Variants in PAFAH1B1 observed in about 807,000 individuals in gnomAD.
PAFAH1B1 encodes platelet activating factor acetylhydrolase 1b regulatory subunit 1, also known as platelet-activating factor acetylhydrolase IB subunit beta.
PAFAH1B1 carries 2 observed loss-of-function variants against 57.5 expected under a neutral mutation model. That is an observed-to-expected ratio of 0.03 (90% CI 0.01 to 0.11). PAFAH1B1 has a LOEUF of 0.11. Among genes scored for constraint, PAFAH1B1 ranks in the 10% least tolerant of loss-of-function variants. The probability of loss-of-function intolerance (pLI) is 1.00; values close to 1 mark genes in which losing one functional copy is unlikely to be tolerated. For synonymous variants in PAFAH1B1, 152 were observed against 169.6 expected, an observed-to-expected ratio of 0.90 and a Z score of 0.81; for missense variants, 257 against 512.0, an observed-to-expected ratio of 0.50 and a Z score of 4.81.
Position 2,657,265 on chromosome 17 carries a change from CAA to C in PAFAH1B1, c.33-8106_33-8105del, listed in dbSNP as rs578021710. On this transcript the variant is annotated intron_variant, in intron 2 of 10. Transcript: ENST00000397195. ...TTGAATTTGTTTCTGTTTTTTGAGA[CAA>C]GAGTCTCACTGTGTCACCCAGGCTG... Among the ~76,000 whole-genome samples the C allele has an allele frequency of 8.5e-5, 13 of 152,184 alleles. No homozygotes were observed. The South Asian group carries it at 2.3e-3, about 27-fold the overall frequency.
chr17:2,665,504 T>C, intron 3 of PAFAH1B1, 48 bp downstream of exon 3: 18 of 1,053,250 alleles, frequency 1.7e-5, no homozygotes, highest in Non-Finnish European at 2.4e-5. Context: ...GAGTGGATTT[T>C]CACTCAAGTA....
chr17:2,605,616 C>T (rs779271929), intron 1 of PAFAH1B1, among the ~76,000 whole-genome samples: 1 of 152,092 alleles, frequency 6.6e-6, no homozygotes, highest in African/African-American at 2.4e-5. Context: ...GACTCCCTGC[C>T]GCGCCCCCCT....
At chr17:2,639,497 T>C (rs2068669076) in intron 2 of PAFAH1B1, 1 of 152,176 alleles carries the variant, frequency 6.6e-6, no homozygotes, top group South Asian at 2.1e-4. Flanking sequence ...TAGCATTCCA[T>C]TTTTATAGGT....
chr17:2,601,328 G>A (rs2068141586), intron 1 of PAFAH1B1, among the ~76,000 whole-genome samples: 1 of 151,102 alleles, frequency 6.6e-6, no homozygotes, highest in Non-Finnish European at 1.5e-5. Flanking sequence ...ATAGAGATGG[G>A]GGGTCTCTGT....
rs541902706 is a variant in PAFAH1B1, at chr17:2,667,610, TCTTAC to T, written c.399+416_399+420del. 517 of 236,610 alleles carry T rather than the reference TCTTAC, an allele frequency of 2.2e-3. 9 individuals are homozygous for T. The highest frequency in any genetic ancestry group is 0.01 in the African/African-American group (456 of 43,460). 14.7% of individuals were successfully genotyped at this position (236,610 alleles called of 1,614,324 possible). A position where few individuals can be genotyped will look rare whatever the true frequency, so the allele number is the denominator to read the frequency against. On this transcript the variant is annotated intron_variant, in intron 5 of 10. Transcript: ENST00000397195. ...GTTCTTGGAGAATGAAAAGTGTGTG[TCTTAC>T]CTTTAAACGGAGGTTATGTGTGAAA... is the stretch of plus-strand genomic sequence containing the variant.
chr17:2,675,894 G>C (rs1409151727), intron 8 of PAFAH1B1, among the ~76,000 whole-genome samples: 1 of 152,088 alleles, frequency 6.6e-6, no homozygotes, highest in African/African-American at 2.4e-5. Flanking sequence ...AGTAAATTTG[G>C]TTTTGGTTGG....
At chr17:2,639,130 C>A (rs760545683) in intron 2 of PAFAH1B1, among the ~76,000 whole-genome samples, 3 of 150,294 alleles carry the variant, frequency 2.0e-5, no homozygotes, top group Non-Finnish European at 3.0e-5. Context: ...AATCTCCTGA[C>A]CTCGTGATCC....
At chr17:2,603,822 C>T (rs974856550) in intron 1 of PAFAH1B1, among the ~76,000 whole-genome samples, 1 of 151,672 alleles carries the variant, frequency 6.6e-6, no homozygotes, top group Admixed American at 6.6e-5. Context: ...CTTACTGCAG[C>T]CTCCACCTCC....
intron 8 of PAFAH1B1, among the ~76,000 whole-genome samples, chr17:2,675,399 C>G (rs993290512): frequency 6.6e-6 from 1 of 152,162 alleles, no homozygotes; most frequent in African/African-American, 2.4e-5. Context: ...ACCCCCATCC[C>G]ACTTATTTTT....
At chr17:2,605,054 G>A (rs1310740844) in intron 1 of PAFAH1B1, among the ~76,000 whole-genome samples, 1 of 152,154 alleles carries the variant, frequency 6.6e-6, no homozygotes, top group Non-Finnish European at 1.5e-5. Context: ...ATTATGAGAT[G>A]ATGTATATTT....
chr17:2,654,818 T>C lies in PAFAH1B1; in HGVS notation c.33-10554T>C, dbSNP rs192598494. 5.4e-3 allele frequency among the ~76,000 whole-genome samples: 825 copies of C among 151,926 alleles called. 6 individuals carry two copies. Among genetic ancestry groups the C allele is most frequent in the South Asian group, 0.016 (79 of 4,792 alleles). On this transcript the variant is annotated intron_variant, in intron 2 of 10. Transcript: ENST00000397195. Reference sequence around the variant, plus strand: ...CACCATGCCTAGCTAATTTTTCTATTTTTTATAGAGACAGATTTTTGCCAT... The same window carrying C: ...CACCATGCCTAGCTAATTTTTCTATCTTTTATAGAGACAGATTTTTGCCAT...
chr17:2,637,427 T>A (rs543989577), intron 1 of PAFAH1B1, among the ~76,000 whole-genome samples: 1 of 151,688 alleles, frequency 6.6e-6, no homozygotes, highest in Non-Finnish European at 1.5e-5. Flanking sequence ...AAAAAAAAAA[T>A]TTAAGAATTA....
rs950829848 is a variant in PAFAH1B1 at position 2,683,560 on chromosome 17, T to G, written c.*1758T>G. 1.3e-4 allele frequency: 20 copies of G among 152,224 alleles called. No homozygotes were observed. Among genetic ancestry groups the G allele is most frequent in the African/African-American group, 4.8e-4 (20 of 41,450 alleles). The allele number at this position is 152,224 out of a possible 1,614,324, so 9.4% of individuals were successfully genotyped here. Reference sequence around the variant, plus strand: ...GCAGCTTTATGTCTAGCTTGTGTCTTTTTGTTTGTTTGCTTGTTTGTTTTT... The same window carrying G: ...GCAGCTTTATGTCTAGCTTGTGTCTGTTTGTTTGTTTGCTTGTTTGTTTTT... On this transcript the variant is annotated 3_prime_UTR_variant, in exon 11 of 11. Transcript: ENST00000397195.
At chr17:2,605,653 G>C (rs1431033430) in intron 1 of PAFAH1B1, among the ~76,000 whole-genome samples, 1 of 152,070 alleles carries the variant, frequency 6.6e-6, no homozygotes, top group Non-Finnish European at 1.5e-5. Flanking sequence ...CTGCCTACCA[G>C]GTTTTCCATT....
rs2069402129 is a variant in PAFAH1B1 at position 2,682,682 on chromosome 17, GT to G, written c.*886del. On this transcript the variant is annotated 3_prime_UTR_variant, in exon 11 of 11. Transcript: ENST00000397195. ...GTACAAATCACTATTCGTTTTTGGT[GT>G]TTTTTAGGGATGTGCAATGTGCATT... The G allele has an allele frequency of 6.6e-6, 1 of 152,582 alleles. No individual in the cohort carries two copies. Among genetic ancestry groups the G allele is most frequent in the African/African-American group, 2.4e-5 (1 of 41,420 alleles). The allele number at this position is 152,582 out of a possible 1,614,324, so 9.5% of individuals were successfully genotyped here. A position where few individuals can be genotyped will look rare whatever the true frequency, so the allele number is the denominator to read the frequency against.
At chr17:2,641,522 T>C (rs947556266) in intron 2 of PAFAH1B1, 4 of 152,312 alleles carry the variant, frequency 2.6e-5, no homozygotes, top group Admixed American at 2.6e-4. Context: ...CATTCATTAC[T>C]ATTCTCACTG....
At position 2,683,704 on chromosome 17, in the gene PAFAH1B1, C is replaced by G. The variant is rs1326542555; in HGVS notation, c.*1902C>G. ...ACATACAGTAGGTGAATTTTCAGGA[C>G]AATATTGCCTCACAACCCTGCTTAC... On this transcript the variant is annotated 3_prime_UTR_variant, in exon 11 of 11. Transcript: ENST00000397195. 1 of 152,598 alleles carries G rather than the reference C, an allele frequency of 6.6e-6. No homozygotes were observed. The highest frequency in any genetic ancestry group is 1.9e-4 in the East Asian group (1 of 5,194). 9.5% of individuals were successfully genotyped at this position (152,598 alleles called of 1,614,324 possible).
chr17:2,653,072 G>A lies in PAFAH1B1; in HGVS notation c.33-12300G>A, dbSNP rs148765574. Among the ~76,000 whole-genome samples, 985 of 152,210 alleles carry A rather than the reference G, an allele frequency of 6.5e-3. 4 individuals are homozygous for A. The highest frequency in any genetic ancestry group is 0.017 in the Middle Eastern group (5 of 294). On this transcript the variant is annotated intron_variant, in intron 2 of 10. Coordinates refer to ENST00000397195, the MANE Select transcript of PAFAH1B1 (RefSeq NM_000430.4). ...TAAGAAAATGTGGTACATATACATCGTGGAATACTATGCAGCCATAAAAAA... is the reference window on the plus strand; with the variant it reads ...TAAGAAAATGTGGTACATATACATCATGGAATACTATGCAGCCATAAAAAA...
chr17:2,675,095 A>G (rs1350131261), intron 8 of PAFAH1B1, among the ~76,000 whole-genome samples: 1 of 152,180 alleles, frequency 6.6e-6, no homozygotes, highest in Non-Finnish European at 1.5e-5. Flanking sequence ...TCCGCCTCCC[A>G]GGTTCAGGCG....
Sources: gnomAD v4.1 joint callset for allele counts (sites outside exome capture counted in the v4.1 genomes callset) on GRCh38, gnomAD v4.1.1 for gene constraint, MANE v1.5 for transcripts, NCBI Gene and HGNC (gene_info 2026-07-23, HGNC 2026-07-21) for gene names.